Variants in CTNNA2 observed in about 807,000 individuals in gnomAD.
CTNNA2 encodes catenin alpha 2, also known as catenin alpha-2.
Under a neutral mutation model 101.0 loss-of-function variants are expected in CTNNA2, and 42 were observed. The observed-to-expected ratio is 0.42, with a 90% CI of 0.32 to 0.54. CTNNA2 has a LOEUF of 0.54. Ranked by LOEUF, CTNNA2 falls within the 20% of genes least tolerant of loss-of-function variation. The probability of loss-of-function intolerance (pLI) is 0.14; values close to 1 mark genes in which losing one functional copy is unlikely to be tolerated. For missense variants in CTNNA2, 871 were observed against 1,223.1 expected, an observed-to-expected ratio of 0.71 and a Z score of 4.29; for synonymous variants, 450 against 456.4, an observed-to-expected ratio of 0.99 and a Z score of 0.18.
intron 7 of CTNNA2, among the ~76,000 whole-genome samples, chr2:80,041,834 C>T (rs575255378): frequency 6.6e-6 from 1 of 152,198 alleles, no homozygotes; most frequent in Non-Finnish European, 1.5e-5. Flanking sequence ...AGATTAGCAT[C>T]AAGGTGGTCC....
In CTNNA2 at chr2:80,149,800, A is replaced by G. The variant is rs928175231; in HGVS notation, c.1056+240003A>G. Among the ~76,000 whole-genome samples, 28 of 148,734 alleles carry G rather than the reference A, an allele frequency of 1.9e-4. 1 individual carries two copies. The East Asian group carries it at 4.7e-3, about 25-fold the overall frequency. ...CACACACACACACACACACACACAC[A>G]CACACACACACACACAGTGTATTCA... On this transcript the variant is annotated intron_variant, in intron 7 of 18. Transcript: ENST00000402739.
chr2:80,541,716 C>T (rs1440698331), intron 9 of CTNNA2, among the ~76,000 whole-genome samples: 1 of 151,650 alleles, frequency 6.6e-6, no homozygotes, highest in African/African-American at 2.4e-5. Flanking sequence ...AGTCCAGTTA[C>T]AGCACTCTTC....
intron 12 of CTNNA2, 44 bp from the exon 13 acceptor site, chr2:80,574,115 TAGTG>T (rs746585743): frequency 1.9e-5 from 30 of 1,574,332 alleles, no homozygotes; most frequent in Non-Finnish European, 2.6e-5. Context: ...GAATAAGAGG[TAGTG>T]AGAGAGAAAT....
intron 1 of CTNNA2, among the ~76,000 whole-genome samples, chr2:79,563,706 T>C (rs1465842021): frequency 6.6e-6 from 1 of 152,160 alleles, no homozygotes; most frequent in African/African-American, 2.4e-5. Flanking sequence ...GTGTGGAAAA[T>C]GTTTTGAATT....
intron 9 of CTNNA2, among the ~76,000 whole-genome samples, chr2:80,534,835 G>A (rs1397431957): frequency 3.9e-5 from 6 of 152,060 alleles, no homozygotes; most frequent in Non-Finnish European, 5.9e-5. Context: ...TTTCACTTCC[G>A]ACAGGAGCAA....
intron 7 of CTNNA2, among the ~76,000 whole-genome samples, chr2:80,005,857 T>C (rs541313946): frequency 6.6e-6 from 1 of 152,098 alleles, no homozygotes; most frequent in Admixed American, 6.6e-5. Context: ...TGGTGGAACA[T>C]CTGGAGTGTA....
At position 80,128,197 on chromosome 2, in the gene CTNNA2, A is replaced by G. The variant is rs1282778169; in HGVS notation, c.1056+218400A>G. On this transcript the variant is annotated intron_variant, in intron 7 of 18. Coordinates refer to ENST00000402739, the MANE Select transcript of CTNNA2 (RefSeq NM_001282597.3). ...TGATTGGGTTTGAAATGTTTTTGAC[A>G]ATGCAAAGGCCAGAGCCAGTCAGGC... 5.3e-5 allele frequency among the ~76,000 whole-genome samples: 8 copies of G among 152,158 alleles called. 1 individual carries two copies. Among genetic ancestry groups the G allele is most frequent in the Admixed American group, 3.3e-4 (5 of 15,270 alleles).
intron 7 of CTNNA2, among the ~76,000 whole-genome samples, chr2:80,289,918 A>G (rs13402891): frequency 0.13 from 19,927 of 152,218 alleles, 2,443 homozygotes; most frequent in African/African-American, 0.32. Flanking sequence ...AAGAGCAGGA[A>G]TTTAAATCCC....
chr2:79,499,507 C>T (rs541359671), intron 4 of CTNNA2, among the ~76,000 whole-genome samples: 39 of 152,288 alleles, frequency 2.6e-4, no homozygotes, highest in African/African-American at 7.9e-4. Flanking sequence ...GACTTCTCAT[C>T]GCAATTATAA....
chr2:79,668,246 C>CAAAAAA (rs34348942), intron 2 of CTNNA2, among the ~76,000 whole-genome samples: 15 of 69,302 alleles, frequency 2.2e-4, no homozygotes, highest in African/African-American at 6.2e-4. Flanking sequence ...GACTCCGTCT[C>CAAAAAA]AAAAAAAAAA....
chr2:80,303,701 G>C lies in CTNNA2; in HGVS notation c.1057-89510G>C. 8.1e-6 allele frequency: 13 copies of C among 1,609,862 alleles called. No individual in the cohort carries two copies. The highest frequency in any genetic ancestry group is 1.1e-5 in the Non-Finnish European group (13 of 1,177,824). On this transcript the variant is annotated intron_variant, in intron 7 of 18. Transcript: ENST00000402739. The surrounding 1 kb of genome is among the most constrained non-coding windows in gnomAD (Gnocchi z 7.7). ...CCGCCCCTCGCACCGGCACAGCTGC[G>C]GGCACCCGCTGGGGGCGGCGGGCAG...
At chr2:80,417,918 C>G (rs953231766) in intron 8 of CTNNA2, among the ~76,000 whole-genome samples, 1 of 152,118 alleles carries the variant, frequency 6.6e-6, no homozygotes, top group Non-Finnish European at 1.5e-5. Context: ...GACAGCTTTT[C>G]AAGCTTCCCA....
chr2:79,236,230 T>C (rs536925758), intron 2 of CTNNA2, among the ~76,000 whole-genome samples: 1 of 152,304 alleles, frequency 6.6e-6, no homozygotes, highest in East Asian at 1.9e-4. Context: ...ACTCCTAGGC[T>C]CAAGCAATCT....
At chr2:80,441,753 A>T (rs1401123384) in intron 9 of CTNNA2, among the ~76,000 whole-genome samples, 2 of 152,192 alleles carry the variant, frequency 1.3e-5, no homozygotes, top group Non-Finnish European at 2.9e-5. Flanking sequence ...GGCCAAGGAG[A>T]TGTCAAAGGT....
intron 7 of CTNNA2, among the ~76,000 whole-genome samples, chr2:80,283,639 T>C (rs1674544941): frequency 6.6e-6 from 1 of 152,214 alleles, no homozygotes; most frequent in African/African-American, 2.4e-5. Flanking sequence ...TGGGAAGATG[T>C]CTCATGAGTT....
At chr2:79,366,963 G>T (rs1421630554) in intron 3 of CTNNA2, among the ~76,000 whole-genome samples, 2 of 152,150 alleles carry the variant, frequency 1.3e-5, no homozygotes, top group African/African-American at 2.4e-5. Context: ...TTGAACAAAA[G>T]GTTTCTGTCC....
At chr2:79,500,390 T>C (rs773314943) in intron 4 of CTNNA2, among the ~76,000 whole-genome samples, 1 of 152,218 alleles carries the variant, frequency 6.6e-6, no homozygotes, top group East Asian at 1.9e-4. Flanking sequence ...AGTAATTATA[T>C]AGTAGATGCT....
At chr2:80,135,280 G>A (rs754676509) in intron 7 of CTNNA2, among the ~76,000 whole-genome samples, 2 of 152,184 alleles carry the variant, frequency 1.3e-5, no homozygotes, top group African/African-American at 2.4e-5. Context: ...AGGAAGGCCT[G>A]ACAAATGGAG....
chr2:80,483,373 T>C (rs954160970), intron 9 of CTNNA2, among the ~76,000 whole-genome samples: 3 of 148,428 alleles, frequency 2.0e-5, no homozygotes, highest in African/African-American at 7.4e-5. Context: ...TTGTTTTATA[T>C]ATATATATAT....
Sources: gnomAD v4.1 joint callset for allele counts (sites outside exome capture counted in the v4.1 genomes callset) on GRCh38, gnomAD v4.1.1 for gene constraint, Gnocchi (gnomAD v3.1) non-coding constraint, MANE v1.5 for transcripts, NCBI Gene and HGNC (gene_info 2026-07-23, HGNC 2026-07-21) for gene names.